Variants in BDP1 observed in about 807,000 individuals in gnomAD.
BDP1 encodes the protein transcription factor TFIIIB component B'' homolog.
BDP1 carries 169 observed loss-of-function variants against 266.6 expected under a neutral mutation model. The ratio of observed to expected loss-of-function variants is 0.63; its 90% CI spans 0.56 to 0.72. The LOEUF (loss-of-function observed/expected upper bound fraction) is 0.72, where lower values mean the gene tolerates loss of function less well. BDP1 is among the 30% of genes least tolerant of loss of function. BDP1 has a pLI of 0.00. For synonymous variants in BDP1, 1,090 were observed against 1,022.4 expected (o/e 1.07, Z -1.26); for missense variants, 3,015 against 3,053.8 (o/e 0.99, Z 0.30).
At chr5:71,577,015 G>GT in the BDP1 span, among the ~76,000 whole-genome samples, 16 of 152,144 alleles carry the variant, frequency 1.1e-4, no homozygotes, top group African/African-American at 3.9e-4. Flanking sequence ...ATCCTTATGT[G>GT]TTTTTGGCAG....
chr5:71,568,639 T>C (rs1218355697), downstream of BDP1, among the ~76,000 whole-genome samples: 1 of 152,198 alleles, frequency 6.6e-6, no homozygotes, highest in Non-Finnish European at 1.5e-5. Context: ...ATAGATCCCA[T>C]GTCCTCAGAC....
At chr5:71,477,045 T>A (rs1762633030) in intron 7 of BDP1, among the ~76,000 whole-genome samples, 1 of 151,410 alleles carries the variant, frequency 6.6e-6, no homozygotes, top group African/African-American at 2.4e-5. Flanking sequence ...GGGGTTTTGC[T>A]ATGTTGGCCA....
intron 6 of BDP1, 105 bp downstream of exon 6, chr5:71,467,592 A>G (rs955006703): frequency 1.3e-5 from 12 of 924,572 alleles, no homozygotes; most frequent in Admixed American, 4.9e-5. Context: ...GCAAACTACC[A>G]TTTTATTCCA....
intron 36 of BDP1, among the ~76,000 whole-genome samples, chr5:71,557,409 G>T (rs1374725246): frequency 1.7e-5 from 2 of 117,134 alleles, no homozygotes; most frequent in East Asian, 2.4e-4. Context: ...TTTTGAGACG[G>T]TGTCTCGCTC....
intron 1 of BDP1, among the ~76,000 whole-genome samples, chr5:71,457,047 C>T (rs961935150): frequency 6.6e-6 from 1 of 152,104 alleles, no homozygotes; most frequent in Non-Finnish European, 1.5e-5. Flanking sequence ...AAGTTTATTA[C>T]ATGAATCTGT....
chr5:71,532,473 C>A, intron 26 of BDP1, 46 bp downstream of exon 26: 2 of 1,584,732 alleles, frequency 1.3e-6, no homozygotes, highest in Non-Finnish European at 1.7e-6. Flanking sequence ...TCTTTGTTTA[C>A]TTTGAAAAGA....
intron 13 of BDP1, among the ~76,000 whole-genome samples, chr5:71,497,711 A>C (rs1763977518): frequency 6.6e-6 from 1 of 151,720 alleles, no homozygotes; most frequent in African/African-American, 2.4e-5. Context: ...CCAGCTATAT[A>C]TTAAATTCTG....
chr5:71,476,878 T>A (rs550792189), intron 7 of BDP1, among the ~76,000 whole-genome samples: 1 of 152,300 alleles, frequency 6.6e-6, no homozygotes, highest in South Asian at 2.1e-4. Context: ...TAATTTTTCG[T>A]ATTTTTAGTA....
At chr5:71,557,630 G>C (rs1422767468) in intron 36 of BDP1, among the ~76,000 whole-genome samples, 1 of 92,178 alleles carries the variant, frequency 1.1e-5, no homozygotes, top group South Asian at 4.1e-4. Context: ...GTGATCTGCC[G>C]GCCTCGAAAT....
intron 16 of BDP1, among the ~76,000 whole-genome samples, chr5:71,506,044 G>T (rs1006357564): frequency 1.3e-5 from 2 of 152,218 alleles, no homozygotes; most frequent in African/African-American, 2.4e-5. Flanking sequence ...TCTCTAGGTA[G>T]AAGTTTGTAT....
In BDP1 at chr5:71,522,959, T is replaced by C. The variant is rs750669503; in HGVS notation, c.5387+10T>C. 5 of 1,552,652 alleles carry C rather than the reference T, an allele frequency of 3.2e-6. No homozygotes were observed. The Admixed American group carries it at 1.0e-4, about 32-fold the overall frequency. Reference sequence around the variant, plus strand: ...TCAATAAACTAACAAGGTAACATTTTATTTAACAAAATGTTTCACAATAAG... The same window carrying C: ...TCAATAAACTAACAAGGTAACATTTCATTTAACAAAATGTTTCACAATAAG... On this transcript the variant is annotated intron_variant, in intron 24 of 38. Transcript: ENST00000358731.
chr5:71,561,171 G>A (rs2112098906), intron 37 of BDP1, among the ~76,000 whole-genome samples: 1 of 152,122 alleles, frequency 6.6e-6, no homozygotes, highest in South Asian at 2.1e-4. Flanking sequence ...GGAGGCTGAG[G>A]TGGGTGGATC....
Position 71,562,897 on chromosome 5 carries a change from C to T in BDP1, c.7743+377C>T, listed in dbSNP as rs1743780639. On this transcript the variant is annotated intron_variant, in intron 38 of 38. Coordinates refer to ENST00000358731, the MANE Select transcript of BDP1 (RefSeq NM_018429.3). ...TATGTCTCCTGAAGCTGTCCAATGG[C>T]AAGTATTGGGATGGAAAACTCTGTA... The T allele has an allele frequency of 6.2e-6, 8 of 1,285,622 alleles. No individual in the cohort carries two copies. In the South Asian group the frequency reaches 1.0e-4, roughly 16 times the overall value. 79.6% of individuals were successfully genotyped at this position (1,285,622 alleles called of 1,614,324 possible). A position where few individuals can be genotyped will look rare whatever the true frequency, so the allele number is the denominator to read the frequency against.
Position 71,502,870 on chromosome 5 carries a change from C to T in BDP1, c.2241+79C>T, listed in dbSNP as rs1029347435. The T allele has an allele frequency of 4.7e-5, 47 of 999,472 alleles. No individual in the cohort carries two copies. In the Admixed American group the frequency reaches 8.9e-4, roughly 19 times the overall value. The allele number at this position is 999,472 out of a possible 1,614,324, so 61.9% of individuals were successfully genotyped here. On this transcript the variant is annotated intron_variant, in intron 15 of 38. Coordinates refer to ENST00000358731, the MANE Select transcript of BDP1 (RefSeq NM_018429.3). The stretch of plus-strand genomic sequence containing the variant: ...ATATAAGCTTCCCTTCACCCACATA[C>T]TTACATACATACATACATACATTTA...
chr5:71,534,993 A>T (rs1766501365), intron 26 of BDP1, among the ~76,000 whole-genome samples: 1 of 152,038 alleles, frequency 6.6e-6, no homozygotes, highest in South Asian at 2.1e-4. Context: ...AGTGTGTAGA[A>T]ATAAAAATGA....
intron 13 of BDP1, among the ~76,000 whole-genome samples, chr5:71,501,063 C>CTCTA (rs1764202068): frequency 6.7e-6 from 1 of 150,262 alleles, no homozygotes. Flanking sequence ...TGTCACTGTA[C>CTCTA]TCTAGCCTGG....
At chr5:71,495,098 T>C (rs938786563) in intron 11 of BDP1, 152 bp from the exon 12 acceptor site, 1 of 437,068 alleles carries the variant, frequency 2.3e-6, no homozygotes, top group Non-Finnish European at 3.9e-6. Context: ...AGATGGATCA[T>C]AGAAAAGCTA....
chr5:71,481,496 G>T (rs1386360073), intron 7 of BDP1, among the ~76,000 whole-genome samples: 1 of 151,120 alleles, frequency 6.6e-6, no homozygotes, highest in East Asian at 1.9e-4. Flanking sequence ...GATCAAGGCT[G>T]CAGTGAGCTG....
chr5:71,562,966 A>T, intron 38 of BDP1: 1 of 1,140,286 alleles, frequency 8.8e-7, no homozygotes, highest in Non-Finnish European at 1.1e-6. Context: ...GTGACTTAAG[A>T]TCTTGACAAA....
Sources: allele counts gnomAD v4.1 joint callset (sites outside exome capture counted in the v4.1 genomes callset), GRCh38; gene constraint gnomAD v4.1.1; transcripts MANE v1.5; gene names NCBI Gene and HGNC (gene_info 2026-07-23, HGNC 2026-07-21).